Variants in AKAP13 observed in about 807,000 individuals in gnomAD.
AKAP13 encodes the protein A-kinase anchoring protein 13.
AKAP13 carries 80 observed loss-of-function variants against 264.5 expected under a neutral mutation model. That is an observed-to-expected ratio of 0.30 (90% CI 0.25 to 0.36). The LOEUF (loss-of-function observed/expected upper bound fraction) is 0.36. AKAP13 is among the 10% of genes least tolerant of loss of function. The pLI is 1.00. For missense variants in AKAP13, 3,712 were observed against 3,435.2 expected, an observed-to-expected ratio of 1.08 and a Z score of -2.01; for synonymous variants, 1,380 against 1,250.2, an observed-to-expected ratio of 1.10 and a Z score of -2.19.
At chr15:85,473,018 A>G (rs191223548) in intron 1 of AKAP13, among the ~76,000 whole-genome samples, 150 of 152,332 alleles carry the variant, frequency 9.8e-4, no homozygotes, top group African/African-American at 3.4e-3. Flanking sequence ...CTACACTTCA[A>G]AAATTCAAAA....
At chr15:85,703,349 A>AT (rs2086038725) in intron 17 of AKAP13, among the ~76,000 whole-genome samples, 1 of 152,188 alleles carries the variant, frequency 6.6e-6, no homozygotes, top group African/African-American at 2.4e-5. Flanking sequence ...ATTTTATTTC[A>AT]TTTTTGTTTA....
chr15:85,409,894 G>A (rs577179557), intron 1 of AKAP13, among the ~76,000 whole-genome samples: 2 of 151,700 alleles, frequency 1.3e-5, no homozygotes, highest in South Asian at 4.1e-4. Context: ...GCCTCCCAAA[G>A]TGCTGGGATT....
At chr15:85,564,164 A>G (rs2078520787) in intron 5 of AKAP13, among the ~76,000 whole-genome samples, 1 of 152,198 alleles carries the variant, frequency 6.6e-6, no homozygotes, top group Non-Finnish European at 1.5e-5. Flanking sequence ...TTTAGTAAGT[A>G]ATAATAACAG....
chr15:85,719,925 A>T (rs2087177289), intron 23 of AKAP13, among the ~76,000 whole-genome samples: 1 of 151,760 alleles, frequency 6.6e-6, no homozygotes, highest in African/African-American at 2.4e-5. Context: ...AAAAAAAAAA[A>T]AATTGAAAAT....
chr15:85,426,998 G>A (rs1485389727), intron 1 of AKAP13, among the ~76,000 whole-genome samples: 10 of 130,004 alleles, frequency 7.7e-5, no homozygotes, highest in Non-Finnish European at 1.4e-4. Flanking sequence ...CACTGTCACC[G>A]GGGCTGGAGT....
At chr15:85,669,999 G>C (rs1038813042) in intron 14 of AKAP13, among the ~76,000 whole-genome samples, 169 bp downstream of exon 14, 2 of 152,134 alleles carry the variant, frequency 1.3e-5, no homozygotes, top group Non-Finnish European at 2.9e-5. Flanking sequence ...AGTTTATCTT[G>C]AGATCTTCTT....
chr15:85,541,571 G>T (rs1292309684), intron 4 of AKAP13, among the ~76,000 whole-genome samples: 1 of 152,188 alleles, frequency 6.6e-6, no homozygotes, highest in African/African-American at 2.4e-5. Flanking sequence ...AAACAGGGTG[G>T]AGTAATGGAA....
At chr15:85,537,068 TCAA>T (rs1292811658) in intron 4 of AKAP13, 1 of 152,222 alleles carries the variant, frequency 6.6e-6, no homozygotes, top group Non-Finnish European at 1.5e-5. Flanking sequence ...TGTCTTTAAG[TCAA>T]CAACTGGGAT....
Position 85,579,476 on chromosome 15 carries a change from A to G in AKAP13, c.1408A>G (p.Thr470Ala), listed in dbSNP as rs766167726. ...TGGAGGTGAACTGGGAGGCATTTCAACAACAAATGTCAGTACCCCAGACAC... is the reference window on the plus strand; with the variant it reads ...TGGAGGTGAACTGGGAGGCATTTCAGCAACAAATGTCAGTACCCCAGACAC... ...SSGGELGGIS[T>A]TNVSTPDTAG... Residue 470 changes from threonine to alanine, a missense_variant, in exon 7 of 37, where the codon ACA (threonine) becomes GCA (alanine). Transcript: ENST00000394518. 1.2e-6 allele frequency: 2 copies of G among 1,614,212 alleles called. No homozygotes were observed. Among genetic ancestry groups the G allele is most frequent in the East Asian group, 2.2e-5 (1 of 44,886 alleles).
chr15:85,546,155 A>G (rs749107609), intron 5 of AKAP13, among the ~76,000 whole-genome samples: 5 of 152,262 alleles, frequency 3.3e-5, no homozygotes, highest in Non-Finnish European at 7.4e-5. Flanking sequence ...GAAAAACAAT[A>G]CGTACTTCAA....
intron 33 of AKAP13, among the ~76,000 whole-genome samples, chr15:85,736,912 C>CTTTTTTTT (rs11407996): frequency 2.0e-5 from 2 of 98,044 alleles, no homozygotes; most frequent in East Asian, 3.3e-4. Context: ...ATATCATCAT[C>CTTTTTTTT]TTTTTTTTTT....
chr15:85,609,806 C>T (rs1278149582), intron 8 of AKAP13, among the ~76,000 whole-genome samples: 2 of 152,208 alleles, frequency 1.3e-5, no homozygotes, highest in Non-Finnish European at 2.9e-5. Flanking sequence ...CACTCACACT[C>T]TTCATATGCA....
chr15:85,717,542 G>C, intron 21 of AKAP13, 140 bp downstream of exon 21: 1 of 668,334 alleles, frequency 1.5e-6, no homozygotes, highest in Non-Finnish European at 2.6e-6. Flanking sequence ...TCAGTAAAGT[G>C]TCCAGTGCTT....
intron 26 of AKAP13, 89 bp downstream of exon 26, chr15:85,723,409 T>C (rs938564420): frequency 1.9e-6 from 3 of 1,546,298 alleles, no homozygotes; most frequent in South Asian, 1.3e-5. Flanking sequence ...CTACCAGATT[T>C]TTTTCCCAGA....
Position 85,581,799 on chromosome 15 carries a change from G to T in AKAP13, c.3731G>T (p.Gly1244Val), listed in dbSNP as rs774521294. 3.1e-6 allele frequency: 5 copies of T among 1,614,032 alleles called. No individual in the cohort carries two copies. The highest frequency in any genetic ancestry group is 4.2e-6 in the Non-Finnish European group (5 of 1,180,012). ...GCCCAGGACGCACCTCTGCCTAAGG[G>T]GGCAGACTTGATAGAGGAGGCTGCC... ...VSAQDAPLPK[G>V]ADLIEEAASR... Residue 1244 changes from glycine to valine, a missense_variant, in exon 7 of 37, where the codon GGG (glycine) becomes GTG (valine). Transcript: ENST00000394518.
Position 85,730,647 on chromosome 15 carries a change from C to T in AKAP13, c.7222C>T (p.Arg2408Cys), listed in dbSNP as rs78590321. Reference sequence around the variant, plus strand: ...AACACATAGCCCTAGAGTTCTCTTCCGCTCCAACACAGAAGAGGCTCTCAA... The same window carrying T: ...AACACATAGCCCTAGAGTTCTCTTCTGCTCCAACACAGAAGAGGCTCTCAA... ...SPTHSPRVLF[R>C]SNTEEALKGG... The change falls in exon 30 of 37, where the codon CGC becomes TGC. Residue 2408 changes from arginine to cysteine, a missense_variant. Transcript: ENST00000394518. 48 of 1,614,094 alleles carry T rather than the reference C, an allele frequency of 3.0e-5. No homozygotes were observed. Among genetic ancestry groups the T allele is most frequent in the Admixed American group, 6.7e-5 (4 of 60,016 alleles).
chr15:85,425,472 T>G (rs2072732502), intron 1 of AKAP13, among the ~76,000 whole-genome samples: 1 of 152,248 alleles, frequency 6.6e-6, no homozygotes, highest in South Asian at 2.1e-4. Context: ...TCCCAGCACT[T>G]TGGGAGGCCA....
At position 85,620,028 on chromosome 15, in the gene AKAP13, G is replaced by A. The variant is rs1436231663; in HGVS notation, c.4162-19346G>A. 2.6e-6 allele frequency: 4 copies of A among 1,533,286 alleles called. No homozygotes were observed. In the African/African-American group the frequency reaches 4.1e-5, roughly 16 times the overall value. 95.0% of individuals were successfully genotyped at this position (1,533,286 alleles called of 1,614,324 possible). ...AATTTGGAACTAAGGACTTGCACTGGTCCCCAAGTTAACAGTGGATATACT... is the reference window on the plus strand; with the variant it reads ...AATTTGGAACTAAGGACTTGCACTGATCCCCAAGTTAACAGTGGATATACT... On this transcript the variant is annotated intron_variant, in intron 8 of 36. Coordinates refer to ENST00000394518, the MANE Select transcript of AKAP13 (RefSeq NM_007200.5).
intron 1 of AKAP13, among the ~76,000 whole-genome samples, chr15:85,408,541 C>T (rs2071788479): frequency 6.6e-6 from 1 of 151,736 alleles, no homozygotes; most frequent in East Asian, 1.9e-4. Flanking sequence ...ATGGATTTGA[C>T]TATTCTGGGT....
Sources: gnomAD v4.1 joint callset for allele counts (sites outside exome capture counted in the v4.1 genomes callset) on GRCh38, gnomAD v4.1.1 for gene constraint, MANE v1.5 for transcripts, NCBI Gene and HGNC (gene_info 2026-07-23, HGNC 2026-07-21) for gene names.